Variants in CEP162 observed in about 807,000 individuals in gnomAD.
CEP162 encodes centrosomal protein 162, also known as centrosomal protein of 162 kDa.
A neutral mutation model predicts 169.2 loss-of-function variants in CEP162; 141 were observed. The ratio of observed to expected loss-of-function variants is 0.83; its 90% CI spans 0.73 to 0.96. The LOEUF is 0.96. CEP162 is among the 40% of genes least tolerant of loss of function. The pLI is 0.00. For missense variants in CEP162, 1,600 were observed against 1,587.2 expected (o/e 1.01, Z -0.14); for synonymous variants, 540 against 526.4 (o/e 1.03, Z -0.35).
intron 18 of CEP162, among the ~76,000 whole-genome samples, chr6:84,165,872 ATCT>A (rs1194660086): frequency 6.6e-6 from 1 of 152,198 alleles, no homozygotes; most frequent in East Asian, 1.9e-4. Context: ...TCATTGTTTA[ATCT>A]TCTGTAGATG....
chr6:84,164,535 T>C (rs9449818), intron 18 of CEP162, among the ~76,000 whole-genome samples: 5,992 of 152,290 alleles, frequency 0.039, 211 homozygotes, highest in African/African-American at 0.098. Context: ...AATGAATTCA[T>C]GTCCTTTGCA....
At position 84,170,812 on chromosome 6, in the gene CEP162, C is replaced by T. The variant is rs142944967; in HGVS notation, c.2279+794G>A. On this transcript the variant is annotated intron_variant, in intron 17 of 26. Transcript: ENST00000403245. Reference sequence around the variant, plus strand: ...AATATGTTAAAGTTGGAAGCAGTAACGTCCAAAAGACCTTATAGTCTGAAA... The same window carrying T: ...AATATGTTAAAGTTGGAAGCAGTAATGTCCAAAAGACCTTATAGTCTGAAA... 3.9e-4 allele frequency among the ~76,000 whole-genome samples: 60 copies of T among 152,272 alleles called. 1 individual carries two copies. Among genetic ancestry groups the T allele is most frequent in the Middle Eastern group, 3.4e-3 (1 of 294 alleles).
chr6:84,131,894 C>G (rs2099511657), intron 25 of CEP162, among the ~76,000 whole-genome samples: 1 of 152,150 alleles, frequency 6.6e-6, no homozygotes. Context: ...GTGATGTTAG[C>G]TGGTTATTTT....
At chr6:84,170,472 A>T (rs1444742200) in intron 17 of CEP162, among the ~76,000 whole-genome samples, 1 of 150,988 alleles carries the variant, frequency 6.6e-6, no homozygotes, top group Non-Finnish European at 1.5e-5. Flanking sequence ...TACACTTACC[A>T]ACTTACAAGG....
At position 84,226,449 on chromosome 6, in the gene CEP162, A is replaced by T. The variant is rs1257123077; in HGVS notation, c.-56T>A. ...ATTCTAAAGTACCTCAAACATTGGA[A>T]ACACTAAATGACAAGAGACATAAAC... On this transcript the variant is annotated 5_prime_UTR_variant, in exon 2 of 27. Coordinates refer to ENST00000403245, the MANE Select transcript of CEP162 (RefSeq NM_014895.4). The T allele has an allele frequency of 8.3e-7, 1 of 1,209,072 alleles. No individual in the cohort carries two copies. The highest frequency in any genetic ancestry group is 1.2e-6 in the Non-Finnish European group (1 of 836,988). 74.9% of individuals were successfully genotyped at this position (1,209,072 alleles called of 1,614,324 possible).
At chr6:84,136,490 A>T (rs1213240944) in intron 25 of CEP162, among the ~76,000 whole-genome samples, 1 of 152,202 alleles carries the variant, frequency 6.6e-6, no homozygotes, top group Non-Finnish European at 1.5e-5. Flanking sequence ...AACTAAATTT[A>T]AACATAAGTT....
chr6:84,129,323 T>C (rs2099510257), intron 25 of CEP162, among the ~76,000 whole-genome samples: 1 of 152,194 alleles, frequency 6.6e-6, no homozygotes, highest in Admixed American at 6.5e-5. Context: ...GTAAAAGCAT[T>C]CCTATTTCTC....
chr6:84,214,675 T>C (rs1363448944), intron 5 of CEP162, among the ~76,000 whole-genome samples: 1 of 152,182 alleles, frequency 6.6e-6, no homozygotes, highest in African/African-American at 2.4e-5. Context: ...GATCTCAAAA[T>C]CCTAAATAAA....
intron 19 of CEP162, 48 bp downstream of exon 19, chr6:84,163,096 A>G (rs763008261): frequency 1.3e-6 from 2 of 1,570,964 alleles, no homozygotes; most frequent in South Asian, 2.3e-5. Flanking sequence ...ATTCAACATT[A>G]GAACAGTTAT....
chr6:84,174,002 TA>T, intron 16 of CEP162, 45 bp downstream of exon 16: 1 of 1,553,850 alleles, frequency 6.4e-7, no homozygotes, highest in Non-Finnish European at 8.8e-7. Context: ...TTTTTATAAC[TA>T]AAAGATCAAG....
Position 84,221,129 on chromosome 6 carries a change from G to A in CEP162, c.100C>T (p.Gln34Ter), listed in dbSNP as rs1177964203. Reference protein sequence around the residue: ...SFENSDKTARQSKKEMKKKDT... With the variant: ...SFENSDKTAR ...TTCTTCTTCATCTCTTTTTTAGATT[G>A]TCTAGCTGTTTTGTCTGAATTTTCA... Residue 34 changes from glutamine (Q) to a stop codon, truncating the protein, a stop_gained, in exon 3 of 27, where the codon CAA becomes TAA. Coordinates refer to ENST00000403245, the MANE Select transcript of CEP162 (RefSeq NM_014895.4). LOFTEE classifies it high-confidence loss of function. 2.5e-6 allele frequency: 4 copies of A among 1,599,792 alleles called. No individual in the cohort carries two copies. In the African/African-American group the frequency reaches 4.0e-5, roughly 16 times the overall value.
intron 25 of CEP162, among the ~76,000 whole-genome samples, chr6:84,128,055 A>T (rs1411798488): frequency 6.6e-6 from 1 of 152,230 alleles, no homozygotes; most frequent in Non-Finnish European, 1.5e-5. Context: ...TAAGCTTCAT[A>T]AGAGCAAAGA....
chr6:84,149,674 G>A lies in CEP162; in HGVS notation c.3659C>T (p.Ala1220Val). ...RVKEDTAAHI[A>V]SLKASHQREI... is the part of the protein sequence containing the mutation. ...TCTCTGATGAGATGCTTTGAGGGATGCAATGTGTGCTGCAGTATCTTCCTT... is the reference window on the plus strand; with the variant it reads ...TCTCTGATGAGATGCTTTGAGGGATACAATGTGTGCTGCAGTATCTTCCTT... The change falls in exon 24 of 27, where the codon GCA (alanine) becomes GTA (valine). Residue 1220 changes from alanine to valine, a missense_variant. Transcript: ENST00000403245. 6.3e-7 allele frequency: 1 copy of A among 1,582,366 alleles called. No individual in the cohort carries two copies. Among genetic ancestry groups the A allele is most frequent in the Non-Finnish European group, 8.6e-7 (1 of 1,163,076 alleles).
At chr6:84,199,542 A>T (rs942883168) in intron 9 of CEP162, among the ~76,000 whole-genome samples, 1 of 114,648 alleles carries the variant, frequency 8.7e-6, no homozygotes, top group Admixed American at 1.0e-4. Flanking sequence ...CTATATATCA[A>T]TTAAAAAGTA....
At chr6:84,179,751 G>A (rs1292992036) in intron 13 of CEP162, among the ~76,000 whole-genome samples, 1 of 152,042 alleles carries the variant, frequency 6.6e-6, no homozygotes, top group Non-Finnish European at 1.5e-5. Context: ...AGAAGAAATG[G>A]ATAAATTCCT....
At chr6:84,214,019 C>T (rs550181147) in intron 5 of CEP162, among the ~76,000 whole-genome samples, 2 of 152,344 alleles carry the variant, frequency 1.3e-5, no homozygotes, top group African/African-American at 4.8e-5. Flanking sequence ...TGGCTCATGC[C>T]TGTAATCCCA....
At chr6:84,133,642 G>C (rs1312051846) in intron 25 of CEP162, among the ~76,000 whole-genome samples, 1 of 152,210 alleles carries the variant, frequency 6.6e-6, no homozygotes, top group Admixed American at 6.5e-5. Context: ...GCAAGGCTCT[G>C]TGGGCATTGG....
Position 84,134,693 on chromosome 6 carries a change from C to T in CEP162, c.3871-8181G>A, listed in dbSNP as rs186416891. On this transcript the variant is annotated intron_variant, in intron 25 of 26. Coordinates refer to ENST00000403245, the MANE Select transcript of CEP162 (RefSeq NM_014895.4). ...GGTTGCACCCACTGTCTAACCAGTT[C>T]CAATGAGATGAGCCAGGTACCTCAG... Among the ~76,000 whole-genome samples the T allele has an allele frequency of 4.5e-3, 692 of 152,242 alleles. 8 individuals carry two copies. Among genetic ancestry groups the T allele is most frequent in the African/African-American group, 0.016 (661 of 41,544 alleles).
At chr6:84,139,148 A>G (rs1380844861) in intron 25 of CEP162, among the ~76,000 whole-genome samples, 1 of 152,206 alleles carries the variant, frequency 6.6e-6, no homozygotes, top group Non-Finnish European at 1.5e-5. Context: ...TTTTCTGCCT[A>G]AAAGTAGGAA....
Sources: gnomAD v4.1 joint callset for allele counts (sites outside exome capture counted in the v4.1 genomes callset) on GRCh38, gnomAD v4.1.1 for gene constraint, MANE v1.5 for transcripts, NCBI Gene and HGNC (gene_info 2026-07-23, HGNC 2026-07-21) for gene names.